Variants in SCD5 observed in about 807,000 individuals in gnomAD.
SCD5 encodes stearoyl-CoA desaturase 5.
Under a neutral mutation model 30.4 loss-of-function variants are expected in SCD5, and 20 were observed. The ratio of observed to expected loss-of-function variants is 0.66; its 90% CI spans 0.46 to 0.96. SCD5 has a LOEUF of 0.96. Ranked by LOEUF, SCD5 falls within the 40% of genes least tolerant of loss-of-function variation. SCD5 has a pLI of 0.00. For missense variants in SCD5, 381 were observed against 443.3 expected, an observed-to-expected ratio of 0.86 and a Z score of 1.26; for synonymous variants, 173 against 176.4, an observed-to-expected ratio of 0.98 and a Z score of 0.16.
chr4:82,721,796 T>C (rs767722301), intron 1 of SCD5, among the ~76,000 whole-genome samples: 3 of 152,208 alleles, frequency 2.0e-5, no homozygotes. Context: ...ACCCCATCCG[T>C]AGTACATTGT....
intron 1 of SCD5, among the ~76,000 whole-genome samples, chr4:82,763,131 C>T (rs1377201489): frequency 6.6e-6 from 1 of 152,202 alleles, no homozygotes; most frequent in Non-Finnish European, 1.5e-5. Context: ...TGGGCTGAAC[C>T]GTGTTCCCAC....
intron 3 of SCD5, chr4:82,660,772 T>C (rs976606017): frequency 1.3e-6 from 2 of 1,572,274 alleles, no homozygotes; most frequent in Non-Finnish European, 1.7e-6. Context: ...ACTGCAGCTC[T>C]GTCTATGCTT....
intron 1 of SCD5, among the ~76,000 whole-genome samples, chr4:82,717,727 CA>C (rs1174166487): frequency 2.6e-5 from 4 of 151,610 alleles, no homozygotes; most frequent in African/African-American, 9.8e-5. Context: ...ACCAGCCTGG[CA>C]AACATGGTGA....
intron 3 of SCD5, chr4:82,660,917 A>G (rs372932919): frequency 1.9e-6 from 3 of 1,614,026 alleles, no homozygotes; most frequent in African/African-American, 1.3e-5. Context: ...CGCAGCATCA[A>G]GCAGCACTTT....
chr4:82,711,068 T>C lies in SCD5; in HGVS notation c.233-5655A>G, dbSNP rs539017509. Reference sequence around the variant, plus strand: ...AAATAGTACCTGCCTCCTGGGTTTGTTGTAAAGATTAAAAGGGGTACTGCA... The same window carrying C: ...AAATAGTACCTGCCTCCTGGGTTTGCTGTAAAGATTAAAAGGGGTACTGCA... On this transcript the variant is annotated intron_variant, in intron 1 of 4. Transcript: ENST00000319540. Among the ~76,000 whole-genome samples, 7 of 152,252 alleles carry C rather than the reference T, an allele frequency of 4.6e-5. No individual in the cohort carries two copies. In the East Asian group the frequency reaches 1.3e-3, roughly 29 times the overall value.
intron 3 of SCD5, among the ~76,000 whole-genome samples, chr4:82,676,836 G>A (rs1280954064): frequency 1.3e-5 from 2 of 152,208 alleles, no homozygotes; most frequent in African/African-American, 4.8e-5. Context: ...CCTCCTAATG[G>A]CTGCCTTTAC....
At chr4:82,670,772 C>A (rs1037076798) in intron 3 of SCD5, among the ~76,000 whole-genome samples, 10 of 151,568 alleles carry the variant, frequency 6.6e-5, no homozygotes, top group African/African-American at 9.7e-5. Context: ...AATATCAATT[C>A]CATATCAATT....
At chr4:82,637,729 A>G (rs1391161819) in intron 3 of SCD5, among the ~76,000 whole-genome samples, 1 of 152,248 alleles carries the variant, frequency 6.6e-6, no homozygotes, top group East Asian at 1.9e-4. Context: ...GCCTCTGTTA[A>G]GATGCATATG....
chr4:82,693,144 T>G (rs1007124334), intron 2 of SCD5, among the ~76,000 whole-genome samples: 3 of 152,166 alleles, frequency 2.0e-5, no homozygotes, highest in Admixed American at 1.3e-4. Flanking sequence ...ATTGTAGGGA[T>G]GCAGTGGCAC....
intron 3 of SCD5, chr4:82,660,768 GC>G: frequency 6.4e-7 from 1 of 1,566,804 alleles, no homozygotes; most frequent in South Asian, 1.2e-5. Context: ...ACAGACTGCA[GC>G]TCTGTCTATG....
chr4:82,764,280 A>C (rs1721440978), intron 1 of SCD5, among the ~76,000 whole-genome samples: 1 of 152,274 alleles, frequency 6.6e-6, no homozygotes, highest in African/African-American at 2.4e-5. Flanking sequence ...CAGTTGCATC[A>C]TCACAGGAAG....
chr4:82,748,775 T>C lies in SCD5; in HGVS notation c.233-43362A>G, dbSNP rs1261798762. 2.0e-5 allele frequency among the ~76,000 whole-genome samples: 3 copies of C among 152,214 alleles called. No individual in the cohort carries two copies. The East Asian group carries it at 5.8e-4, about 29-fold the overall frequency. On this transcript the variant is annotated intron_variant, in intron 1 of 4. Transcript: ENST00000319540. ...CAATTTGCTGCATTTATCAGTAGAC[T>C]GCAGAACTGGTCCAGTTTAGTGGGG... is the stretch of plus-strand genomic sequence containing the variant.
intron 1 of SCD5, among the ~76,000 whole-genome samples, chr4:82,782,008 A>G (rs995576970): frequency 7.2e-5 from 11 of 151,844 alleles, no homozygotes; most frequent in Admixed American, 1.3e-4. Flanking sequence ...CCCACCTCTC[A>G]GTTGCATTTA....
chr4:82,747,843 T>C (rs17006264), intron 1 of SCD5, among the ~76,000 whole-genome samples: 3,245 of 152,290 alleles, frequency 0.021, 113 homozygotes, highest in African/African-American at 0.073. Flanking sequence ...GGCAAAAGCT[T>C]GGAATAGTAG....
intron 1 of SCD5, among the ~76,000 whole-genome samples, chr4:82,718,572 C>A (rs1203571487): frequency 6.6e-6 from 1 of 151,720 alleles, no homozygotes; most frequent in Non-Finnish European, 1.5e-5. Flanking sequence ...CAAAAAGTTA[C>A]AAAACACATT....
chr4:82,632,029 G>A (rs1188922391), intron 4 of SCD5, among the ~76,000 whole-genome samples: 1 of 151,228 alleles, frequency 6.6e-6, no homozygotes, highest in African/African-American at 2.4e-5. Context: ...TTTTTTTCAT[G>A]TAGCTTTTCT....
intron 2 of SCD5, among the ~76,000 whole-genome samples, chr4:82,682,776 G>A (rs1385107437): frequency 6.6e-6 from 1 of 152,136 alleles, no homozygotes; most frequent in Non-Finnish European, 1.5e-5. Flanking sequence ...AGTCTCCCAA[G>A]TAGCTGGGAC....
intron 1 of SCD5, among the ~76,000 whole-genome samples, chr4:82,752,273 T>TTATATATATATATATA (rs139910934): frequency 1.0e-4 from 15 of 145,654 alleles, no homozygotes; most frequent in African/African-American, 2.8e-4. Flanking sequence ...TTTTAAAAAA[T>TTATATATATATATATA]TATATATATA....
chr4:82,751,331 G>A (rs1371952926), intron 1 of SCD5, among the ~76,000 whole-genome samples: 1 of 152,102 alleles, frequency 6.6e-6, no homozygotes, highest in East Asian at 1.9e-4. Flanking sequence ...TAGTAGCTAG[G>A]ACTACAGGCA....
Sources: gnomAD v4.1 joint callset for allele counts (sites outside exome capture counted in the v4.1 genomes callset) on GRCh38, gnomAD v4.1.1 for gene constraint, MANE v1.5 for transcripts, NCBI Gene and HGNC (gene_info 2026-07-23, HGNC 2026-07-21) for gene names.